PCDHGA4: variants seen among roughly 807,000 people sequenced by gnomAD.
PCDHGA4 encodes the protein protocadherin gamma-A4.
In PCDHGA4, 38 loss-of-function variants were observed where a neutral mutation model predicts 54.6. The observed-to-expected ratio is 0.70, with a 90% confidence interval of 0.54 to 0.91. PCDHGA4 has a LOEUF of 0.91. Among genes scored for constraint, PCDHGA4 ranks in the 40% least tolerant of loss-of-function variants. The pLI is 0.00. For missense variants in PCDHGA4, 1,298 were observed against 1,220.9 expected, an observed-to-expected ratio of 1.06 and a Z score of -0.94; for synonymous variants, 511 against 512.9, an observed-to-expected ratio of 1.00 and a Z score of 0.05.
chr5:141,415,289 C>T (rs1413039067), intron 1 of PCDHGA4: 11 of 1,614,088 alleles, frequency 6.8e-6, no homozygotes, highest in African/African-American at 1.3e-5. Flanking sequence ...GCCGCGGTCT[C>T]CTGCGTCTTC....
rs186593502 is a variant in PCDHGA4 at position 141,429,415 on chromosome 5, A to G, written c.2515-65392A>G. Among the ~76,000 whole-genome samples, 582 of 151,976 alleles carry G rather than the reference A, an allele frequency of 3.8e-3. 6 individuals carry two copies. The highest frequency in any genetic ancestry group is 0.011 in the Admixed American group (171 of 15,260). ...AAAAAATTGAGATTAAGGTCTCATT[A>G]TGTTGCCCAGGCTGGACTCAAACTC... is the stretch of plus-strand genomic sequence containing the variant. On this transcript the variant is annotated intron_variant, in intron 1 of 3. Transcript: ENST00000571252.
intron 1 of PCDHGA4, among the ~76,000 whole-genome samples, chr5:141,460,110 A>G (rs966038979): frequency 2.0e-5 from 3 of 151,894 alleles, no homozygotes; most frequent in African/African-American, 7.2e-5. Context: ...ATTATATATG[A>G]TTTTTATATA....
chr5:141,495,973 A>T, intron 2 of PCDHGA4, among the ~76,000 whole-genome samples: 1 of 146,986 alleles, frequency 6.8e-6, no homozygotes, highest in Admixed American at 6.8e-5. Flanking sequence ...TTTCTCTGTT[A>T]CTCTTTCTTT....
intron 1 of PCDHGA4, among the ~76,000 whole-genome samples, chr5:141,471,768 T>A (rs1203999329): frequency 6.6e-6 from 1 of 152,174 alleles, no homozygotes; most frequent in Non-Finnish European, 1.5e-5. Context: ...GGTCAAAAGA[T>A]GAGTTTGACA....
intron 2 of PCDHGA4, among the ~76,000 whole-genome samples, chr5:141,500,705 T>A (rs1169100560): frequency 6.6e-6 from 1 of 152,220 alleles, no homozygotes; most frequent in Non-Finnish European, 1.5e-5. Context: ...TTGCAGTGTA[T>A]CATGAGAATT....
chr5:141,403,109 G>T, intron 1 of PCDHGA4: 2 of 1,614,074 alleles, frequency 1.2e-6, no homozygotes, highest in Non-Finnish European at 1.7e-6. Flanking sequence ...CAAGGACCTG[G>T]CTCTGGAGCC....
chr5:141,404,018 G>A (rs1280619437), intron 1 of PCDHGA4: 1 of 1,613,864 alleles, frequency 6.2e-7, no homozygotes, highest in African/African-American at 1.3e-5. Flanking sequence ...GTTTAGCCCA[G>A]TGAGAGAAGA....
intron 1 of PCDHGA4, chr5:141,393,048 C>A (rs745354934): frequency 3.7e-6 from 6 of 1,613,672 alleles, no homozygotes; most frequent in Non-Finnish European, 5.1e-6. Flanking sequence ...TGCTCTGAAC[C>A]CGCGCAGCGG....
chr5:141,364,525 C>T (rs763615712), intron 1 of PCDHGA4: 1 of 1,613,944 alleles, frequency 6.2e-7, no homozygotes, highest in African/African-American at 1.3e-5. Flanking sequence ...GCGGAGTCCG[C>T]ATCGTCTCCA....
intron 1 of PCDHGA4, chr5:141,400,578 T>C: frequency 6.2e-7 from 1 of 1,610,934 alleles, no homozygotes; most frequent in Non-Finnish European, 8.5e-7. Context: ...TTTCTGTATT[T>C]ACATGAAACT....
At position 141,364,425 on chromosome 5, in the gene PCDHGA4, G is replaced by T; in HGVS notation, c.2514+6804G>T. 6.2e-7 allele frequency: 1 copy of T among 1,613,642 alleles called. No homozygotes were observed. Among genetic ancestry groups the T allele is most frequent in the Non-Finnish European group, 8.5e-7 (1 of 1,179,688 alleles). Reference sequence around the variant, plus strand: ...TGCGAGCCAGGATCCGGGCAGATCCGCTACTCGATGCCGGAGGAGCTGGAC... The same window carrying T: ...TGCGAGCCAGGATCCGGGCAGATCCTCTACTCGATGCCGGAGGAGCTGGAC... On this transcript the variant is annotated intron_variant, in intron 1 of 3. Coordinates refer to ENST00000571252, the MANE Select transcript of PCDHGA4 (RefSeq NM_018917.4).
intron 1 of PCDHGA4, chr5:141,403,617 G>A (rs369607013): frequency 1.8e-4 from 288 of 1,613,738 alleles, no homozygotes; most frequent in East Asian, 1.0e-3. Context: ...GAGCCGCGTC[G>A]CTCCAGCACA....
At chr5:141,395,407 G>T (rs1467176036) in intron 1 of PCDHGA4, 3 of 826,654 alleles carry the variant, frequency 3.6e-6, no homozygotes, top group Non-Finnish European at 5.4e-6. Context: ...ATAGTCATAG[G>T]TTATTGTTTC....
intron 1 of PCDHGA4, among the ~76,000 whole-genome samples, chr5:141,401,463 C>G (rs2094158062): frequency 6.6e-6 from 1 of 152,214 alleles, no homozygotes; most frequent in Admixed American, 6.5e-5. Flanking sequence ...AAATAATTTT[C>G]TAAGTTTATC....
At chr5:141,363,675 G>A (rs1763023401) in intron 1 of PCDHGA4, among the ~76,000 whole-genome samples, 1 of 152,208 alleles carries the variant, frequency 6.6e-6, no homozygotes, top group South Asian at 2.1e-4. Context: ...GCATATGACA[G>A]CTAATATAAC....
At chr5:141,488,020 T>C (rs985558790) in intron 1 of PCDHGA4, among the ~76,000 whole-genome samples, 3 of 152,174 alleles carry the variant, frequency 2.0e-5, no homozygotes, top group African/African-American at 7.2e-5. Context: ...GTACCTTAAC[T>C]CTAGGTTACC....
At position 141,364,322 on chromosome 5, in the gene PCDHGA4, G is replaced by A. The variant is rs572334298; in HGVS notation, c.2514+6701G>A. The A allele has an allele frequency of 2.6e-6, 4 of 1,527,038 alleles. No homozygotes were observed. In the Admixed American group the frequency reaches 6.7e-5, roughly 26 times the overall value. The allele number at this position is 1,527,038 out of a possible 1,614,324, so 94.6% of individuals were successfully genotyped here. On this transcript the variant is annotated intron_variant, in intron 1 of 3. Transcript: ENST00000571252. ...CAGAACTAAGAGAAAATTGGGCAGAGAGAAGGCAATGGCGAGTCCACCTAG... is the reference window on the plus strand; with the variant it reads ...CAGAACTAAGAGAAAATTGGGCAGAAAGAAGGCAATGGCGAGTCCACCTAG...
chr5:141,404,555 A>G (rs751841732), intron 1 of PCDHGA4: 1 of 1,613,802 alleles, frequency 6.2e-7, no homozygotes, highest in African/African-American at 1.3e-5. Flanking sequence ...GGTGACGGCA[A>G]GTGACAGTGG....
chr5:141,481,509 T>C (rs2154578624), intron 1 of PCDHGA4, among the ~76,000 whole-genome samples: 2 of 152,326 alleles, frequency 1.3e-5, no homozygotes, highest in Middle Eastern at 3.4e-3. Context: ...GTATGTGAAT[T>C]ATGTCTCAGT....
Sources: allele counts gnomAD v4.1 joint callset (sites outside exome capture counted in the v4.1 genomes callset), GRCh38; gene constraint gnomAD v4.1.1; transcripts MANE v1.5; gene names NCBI Gene and HGNC (gene_info 2026-07-23, HGNC 2026-07-21).